Variants in CFAP74 observed in about 807,000 individuals in gnomAD.
CFAP74 encodes cilia- and flagella-associated protein 74.
A neutral mutation model predicts 188.9 loss-of-function variants in CFAP74; 124 were observed. The ratio of observed to expected loss-of-function variants is 0.66; its 90% CI spans 0.57 to 0.76. CFAP74 has a LOEUF of 0.76. Among genes scored for constraint, CFAP74 ranks in the 30% least tolerant of loss-of-function variants. CFAP74 has a pLI of 0.00. For missense variants in CFAP74, 2,198 were observed against 2,165.2 expected, an observed-to-expected ratio of 1.02 and a Z score of -0.30; for synonymous variants, 956 against 916.7, an observed-to-expected ratio of 1.04 and a Z score of -0.77.
intron 33 of CFAP74, among the ~76,000 whole-genome samples, chr1:1,924,792 T>C (rs1030418699): frequency 2.6e-5 from 4 of 152,236 alleles, no homozygotes; most frequent in African/African-American, 7.2e-5. Context: ...CCAGGGCGCC[T>C]GAGTCTCGCT....
rs77992306 is a variant in CFAP74, at chr1:1,942,516, G to C, written c.2487-360C>G. Among the ~76,000 whole-genome samples, 3,916 of 152,216 alleles carry C rather than the reference G, an allele frequency of 0.026. 73 individuals carry two copies. The highest frequency in any genetic ancestry group is 0.04 in the Non-Finnish European group (2,688 of 67,976). Reference sequence around the variant, plus strand: ...ATGAGGGGTGGAACCCCTCCCTCCAGGGCTCTGCCCGCCTCCTGCCCAGGG... The same window carrying C: ...ATGAGGGGTGGAACCCCTCCCTCCACGGCTCTGCCCGCCTCCTGCCCAGGG... On this transcript the variant is annotated intron_variant, in intron 21 of 38. Transcript: ENST00000682832. The surrounding 1 kb of genome is among the most constrained non-coding windows in gnomAD (Gnocchi z 4.3).
At chr1:1,934,538 CGTGGGTGTT>C (rs1652689375) in intron 25 of CFAP74, among the ~76,000 whole-genome samples, 3 of 144,200 alleles carry the variant, frequency 2.1e-5, no homozygotes, top group African/African-American at 7.8e-5. Context: ...CAGGTGTATA[CGTGGGTGTT>C]AGGTTGTAGG....
intron 20 of CFAP74, among the ~76,000 whole-genome samples, chr1:1,945,974 GT>G (rs201866380): frequency 9.0e-6 from 1 of 110,630 alleles, no homozygotes; most frequent in African/African-American, 2.8e-5. Flanking sequence ...GTTTGTGCGT[GT>G]GGGGGGGGCT....
At chr1:1,964,124 T>C (rs1299843576) in intron 13 of CFAP74, among the ~76,000 whole-genome samples, 1 of 151,990 alleles carries the variant, frequency 6.6e-6, no homozygotes, top group Non-Finnish European at 1.5e-5. Context: ...GGCCCGCAGG[T>C]GGGAGTAAGA....
At position 1,924,427 on chromosome 1, in the gene CFAP74, A is replaced by G; in HGVS notation, c.4198T>C (p.Phe1400Leu). The change falls in exon 34 of 39, where the codon TTC becomes CTC. Residue 1400 changes from phenylalanine (F) to leucine (L), a missense_variant. By Grantham distance (22) the Phe-to-Leu change is conservative. Transcript: ENST00000682832. The stretch of plus-strand genomic sequence containing the variant: ...GTCCTCTGGGAGGGCGAGCTGAGGA[A>G]CTGCGGCAGCTGCTGCTGGCCCCGG... ...RGRGQQQLPQ[F>L]LSSPSQRTEV... is the part of the protein sequence containing the mutation. The G allele has an allele frequency of 7.5e-7, 1 of 1,336,172 alleles. No homozygotes were observed. The highest frequency in any genetic ancestry group is 9.8e-7 in the Non-Finnish European group (1 of 1,019,348). 82.8% of individuals were successfully genotyped at this position (1,336,172 alleles called of 1,614,324 possible).
At chr1:1,926,190 T>A (rs1457707042) in intron 32 of CFAP74, 38 bp downstream of exon 32, 1 of 1,472,748 alleles carries the variant, frequency 6.8e-7, no homozygotes. Context: ...GTGGGGAGCC[T>A]TGGGCCGCAG....
intron 18 of CFAP74, among the ~76,000 whole-genome samples, chr1:1,947,804 G>A (rs1437120208): frequency 6.6e-6 from 1 of 152,256 alleles, no homozygotes; most frequent in South Asian, 2.1e-4. Context: ...TCAGGAGCCA[G>A]GTGGCGACTT....
At position 1,990,966 on chromosome 1, in the gene CFAP74, T is replaced by C. The variant is rs781677362; in HGVS notation, c.-10A>G. 2 of 1,605,376 alleles carry C rather than the reference T, an allele frequency of 1.2e-6. No homozygotes were observed. Among genetic ancestry groups the C allele is most frequent in the Non-Finnish European group, 1.7e-6 (2 of 1,177,086 alleles). On this transcript the variant is annotated 5_prime_UTR_variant, in exon 2 of 39. Transcript: ENST00000682832. ...TGCCGTCATCCTCCATGCTGGGAGA[T>C]AGAAATTAGCTGCAAAAGATGATCG...
In CFAP74 at chr1:1,968,569, GC is replaced by G; in HGVS notation, c.1245+65del. The G allele has an allele frequency of 7.2e-7, 1 of 1,386,732 alleles. No homozygotes were observed. Among genetic ancestry groups the G allele is most frequent in the Admixed American group, 1.8e-5 (1 of 56,706 alleles). 85.9% of individuals were successfully genotyped at this position (1,386,732 alleles called of 1,614,324 possible). ...TCAGAGGATGTCTCACCACACCTGAGCCCTGAGGCCCCACCTGCCCTCCACA... is the reference window on the plus strand; with the variant it reads ...TCAGAGGATGTCTCACCACACCTGAGCCTGAGGCCCCACCTGCCCTCCACA... On this transcript the variant is annotated intron_variant, in intron 11 of 38. Transcript: ENST00000682832. This position sits in a 1 kb window ranked among gnomAD's most constrained non-coding sequence, Gnocchi z 4.3.
In CFAP74 at chr1:1,922,037, T is replaced by C; in HGVS notation, c.*250A>G. The C allele has an allele frequency of 1.9e-6, 1 of 514,926 alleles. No homozygotes were observed. Among genetic ancestry groups the C allele is most frequent in the Non-Finnish European group, 3.4e-6 (1 of 290,238 alleles). The allele number at this position is 514,926 out of a possible 1,614,324, so 31.9% of individuals were successfully genotyped here. ...GGGCTCTGAGGGGGTCTGGCTAGGA[T>C]GGCTGAGGGCTGGCCTGGCCTTCTC... On this transcript the variant is annotated 3_prime_UTR_variant, in exon 39 of 39. Transcript: ENST00000682832.
chr1:1,934,874 CGTGG>C (rs1652747630), intron 25 of CFAP74, among the ~76,000 whole-genome samples: 1 of 38,602 alleles, frequency 2.6e-5, no homozygotes, highest in Non-Finnish European at 5.3e-5. Context: ...CACGTGTGTG[CGTGG>C]GTGTTAGGTT....
chr1:1,926,312 A>G lies in CFAP74; in HGVS notation c.3864T>C (p.Phe1288=), dbSNP rs1231505134. Reference sequence around the variant, plus strand: ...GCAGGCTGGAGTGGTTCAGCAGGACAAAGGGGCCGTTGGGGTTCAGCAGGG... The same window carrying G: ...GCAGGCTGGAGTGGTTCAGCAGGACGAAGGGGCCGTTGGGGTTCAGCAGGG... ...DFSLLNPNGP[F]VLLNHSSLLR... is the part of the protein sequence containing the mutation. The change falls in exon 32 of 39, where the codon TTT becomes TTC. Residue 1288 remains phenylalanine (F), a synonymous_variant. Coordinates refer to ENST00000682832, the MANE Select transcript of CFAP74 (RefSeq NM_001304360.2). 1 of 1,547,606 alleles carries G rather than the reference A, an allele frequency of 6.5e-7. No individual in the cohort carries two copies. Among genetic ancestry groups the G allele is most frequent in the Non-Finnish European group, 8.7e-7 (1 of 1,145,428 alleles).
chr1:1,948,411 A>AT (rs1653929795), intron 18 of CFAP74, among the ~76,000 whole-genome samples: 12 of 58,314 alleles, frequency 2.1e-4, no homozygotes, highest in Admixed American at 1.2e-3. Flanking sequence ...TGGCATATAT[A>AT]AATATATATA....
chr1:1,933,720 A>G (rs971547727), intron 25 of CFAP74, among the ~76,000 whole-genome samples: 2 of 152,184 alleles, frequency 1.3e-5, no homozygotes, highest in African/African-American at 4.8e-5. Flanking sequence ...ATTAAATTGT[A>G]CAAGAAAGAC....
intron 16 of CFAP74, 114 bp downstream of exon 16, chr1:1,959,006 C>T: frequency 1.4e-6 from 1 of 702,120 alleles, no homozygotes; most frequent in South Asian, 1.7e-5. Context: ...AAGATTGGAG[C>T]TTCCACCTGG....
At chr1:1,935,512 T>G (rs1652830245) in intron 25 of CFAP74, among the ~76,000 whole-genome samples, 1 of 94,338 alleles carries the variant, frequency 1.1e-5, no homozygotes, top group African/African-American at 3.8e-5. Flanking sequence ...GCACGTGGGT[T>G]AGGTTGTAGG....
chr1:1,990,321 C>A (rs971447428), intron 2 of CFAP74, among the ~76,000 whole-genome samples: 2 of 148,750 alleles, frequency 1.3e-5, no homozygotes, highest in African/African-American at 5.0e-5. Context: ...TTCATTAAAT[C>A]TCAGTAAAAA....
At position 1,969,459 on chromosome 1, in the gene CFAP74, T is replaced by TGCCCA. The variant is rs1482077629; in HGVS notation, c.1047-631_1047-627dup. ...TTCCAAGTCCAGTCCTGCCCAGCCC[T>TGCCCA]GCCCAGCCCAGCCCTGCCCGGCCCA... On this transcript the variant is annotated intron_variant, in intron 10 of 38. Coordinates refer to ENST00000682832, the MANE Select transcript of CFAP74 (RefSeq NM_001304360.2). 4.5e-5 allele frequency among the ~76,000 whole-genome samples: 3 copies of TGCCCA among 67,318 alleles called. No homozygotes were observed. In the East Asian group the frequency reaches 1.3e-3, roughly 29 times the overall value. 44.2% of individuals were successfully genotyped at this position (67,318 alleles called of 152,430 possible).
intron 14 of CFAP74, among the ~76,000 whole-genome samples, chr1:1,960,693 G>C (rs1300286346): frequency 1.3e-5 from 2 of 152,218 alleles, no homozygotes; most frequent in East Asian, 3.8e-4. Flanking sequence ...TGTGTCCCTG[G>C]CTGGCAACAT....
Sources: allele counts gnomAD v4.1 joint callset (sites outside exome capture counted in the v4.1 genomes callset), GRCh38; gene constraint gnomAD v4.1.1; non-coding constraint Gnocchi (gnomAD v3.1); transcripts MANE v1.5; gene names NCBI Gene and HGNC (gene_info 2026-07-23, HGNC 2026-07-21).